Variants in EFCAB8 observed in about 807,000 individuals in gnomAD.
EFCAB8 encodes EF-hand calcium binding domain 8.
In EFCAB8, 100 loss-of-function variants were observed where a neutral mutation model predicts 116.3. The ratio of observed to expected loss-of-function variants is 0.86; its 90% confidence interval spans 0.73 to 1.02. EFCAB8 has a LOEUF of 1.02. Ranked by LOEUF, EFCAB8 falls within the 50% of genes least tolerant of loss-of-function variation. The pLI is 0.00. For synonymous variants in EFCAB8, 558 were observed against 567.9 expected, an observed-to-expected ratio of 0.98 and a Z score of 0.25; for missense variants, 1,320 against 1,416.9, an observed-to-expected ratio of 0.93 and a Z score of 1.10.
chr20:32,952,468 G>A (rs1303898240), intron 23 of EFCAB8, among the ~76,000 whole-genome samples: 3 of 152,174 alleles, frequency 2.0e-5, no homozygotes, highest in African/African-American at 7.2e-5. Context: ...TTTGCATGGA[G>A]ATAGCCACTT....
Position 32,959,842 on chromosome 20 carries a change from C to T in EFCAB8, c.3154C>T (p.Leu1052Phe), listed in dbSNP as rs1271843197. The change falls in exon 25 of 27, where the codon CTC (leucine) becomes TTC (phenylalanine). Residue 1052 changes from leucine (L) to phenylalanine (F), a missense_variant. Transcript: ENST00000400522. ...GCGAGAGCAGGCGGCGCTGATGGCT[C>T]TCCTGCATGGGAAGGCAGATAAGGA... Reference protein sequence around the residue: ...QRREQAALMALLHGKADKEAD... With the variant: ...QRREQAALMAFLHGKADKEAD... 1 of 1,547,574 alleles carries T rather than the reference C, an allele frequency of 6.5e-7. No homozygotes were observed. The highest frequency in any genetic ancestry group is 8.7e-7 in the Non-Finnish European group (1 of 1,144,520).
intron 3 of EFCAB8, among the ~76,000 whole-genome samples, chr20:32,874,102 G>A (rs1984826919): frequency 6.6e-6 from 1 of 150,850 alleles, no homozygotes; most frequent in African/African-American, 2.5e-5. Flanking sequence ...TGTATTTTCT[G>A]TGAAGATGCG....
At chr20:32,867,498 GTCTC>G (rs1984483988) in intron 2 of EFCAB8, 80 bp from the exon 3 acceptor site, 4 of 1,418,248 alleles carry the variant, frequency 2.8e-6, no homozygotes, top group Non-Finnish European at 3.8e-6. Context: ...TTCTCAAAGA[GTCTC>G]TCTTTAAATC....
chr20:32,939,199 CTTTCCTCTCTCT>C (rs1247652788), intron 22 of EFCAB8, among the ~76,000 whole-genome samples: 4 of 63,540 alleles, frequency 6.3e-5, no homozygotes, highest in East Asian at 7.6e-4. Context: ...TTCTTTCTTT[CTTTCCTCTCTCT>C]CTCTCTCTCT....
chr20:32,910,815 G>A (rs932093790), intron 15 of EFCAB8, among the ~76,000 whole-genome samples: 1 of 134,196 alleles, frequency 7.5e-6, no homozygotes, highest in Non-Finnish European at 1.5e-5. Context: ...TTGGCTCACT[G>A]CAGTCTCTGC....
Position 32,888,155 on chromosome 20 carries a change from C to T in EFCAB8, c.568-1146C>T, listed in dbSNP as rs138123952. Among the ~76,000 whole-genome samples, 1,091 of 152,106 alleles carry T rather than the reference C, an allele frequency of 7.2e-3. 16 individuals carry two copies. Among genetic ancestry groups the T allele is most frequent in the African/African-American group, 0.025 (1,026 of 41,474 alleles). On this transcript the variant is annotated intron_variant, in intron 6 of 26. Transcript: ENST00000400522. The stretch of plus-strand genomic sequence containing the variant: ...CACGGCTCACTGCAGCCTCAACCTC[C>T]TGGGGTCAAGGGATCTTTCCACCTC...
intron 5 of EFCAB8, among the ~76,000 whole-genome samples, chr20:32,884,677 G>A (rs1985518683): frequency 6.6e-6 from 1 of 152,210 alleles, no homozygotes; most frequent in Non-Finnish European, 1.5e-5. Flanking sequence ...CTAGGTTCTA[G>A]TTCCAGCCCT....
chr20:32,907,234 A>C (rs529541359), intron 13 of EFCAB8: 23 of 530,444 alleles, frequency 4.3e-5, no homozygotes, highest in African/African-American at 4.1e-4. Context: ...CCCTTTTCTG[A>C]GCCTCAGTCC....
rs1687304798 is a variant in EFCAB8 at position 32,948,562 on chromosome 20, AAGAAAGAAAG to A, written c.2959+4760_2959+4769del. On this transcript the variant is annotated intron_variant, in intron 23 of 26. Coordinates refer to ENST00000400522, the MANE Select transcript of EFCAB8 (RefSeq NM_001143967.2). ...AAAGAAAGAAAGAAAGAAAGAAAGAAAGAAAGAAAGAAAGAAAGAAAAGAAAGGAAAAGAA... is the reference window on the plus strand; with the variant it reads ...AAAGAAAGAAAGAAAGAAAGAAAGAAAAAGAAAGAAAAGAAAGGAAAAGAA... Among the ~76,000 whole-genome samples the A allele has an allele frequency of 2.0e-5, 3 of 150,548 alleles. No individual in the cohort carries two copies. In the South Asian group the frequency reaches 6.3e-4, roughly 32 times the overall value.
At chr20:32,928,429 C>T (rs1308507807) in intron 20 of EFCAB8, among the ~76,000 whole-genome samples, 1 of 151,822 alleles carries the variant, frequency 6.6e-6, no homozygotes, top group Admixed American at 6.6e-5. Flanking sequence ...TAGAGACGGG[C>T]TTTCACCATG....
chr20:32,875,995 A>T lies in EFCAB8; in HGVS notation c.278A>T (p.Lys93Met). 1 of 1,552,224 alleles carries T rather than the reference A, an allele frequency of 6.4e-7. No homozygotes were observed. Among genetic ancestry groups the T allele is most frequent in the South Asian group, 1.2e-5 (1 of 84,056 alleles). The change falls in exon 4 of 27, where the codon AAG becomes ATG. Residue 93 changes from lysine (K) to methionine (M), a missense_variant. Transcript: ENST00000400522. ...AGCAGTGTGTCGGACGAGATGCTAA[A>T]GGAGCTGTTTTTGAAGGTGGACTCG... is the stretch of plus-strand genomic sequence containing the variant. ...VLSSVSDEML[K>M]ELFLKVDSDC... is the part of the protein sequence containing the mutation.
rs1378666516 is a variant in EFCAB8, at chr20:32,943,771, G to A, written c.2926G>A (p.Val976Ile). The A allele has an allele frequency of 9.6e-6, 4 of 416,764 alleles. No homozygotes were observed. Among genetic ancestry groups the A allele is most frequent in the Non-Finnish European group, 1.8e-5 (4 of 226,408 alleles). 25.8% of individuals were successfully genotyped at this position (416,764 alleles called of 1,614,324 possible). A position where few individuals can be genotyped will look rare whatever the true frequency, so the allele number is the denominator to read the frequency against. Residue 976 changes from valine to isoleucine, a missense_variant, in exon 23 of 27, where the codon GTC (valine) becomes ATC (isoleucine). By Grantham distance (29) the Val-to-Ile change is conservative. Coordinates refer to ENST00000400522, the MANE Select transcript of EFCAB8 (RefSeq NM_001143967.2). ...TATCAGCGCTGGCCAGGACCGGGAC[G>A]TCAAGGCTTGGAAACTCTCCGGTGA... ...LVISAGQDRDVKAWKLSGDAI... is the reference protein window; with the variant it reads ...LVISAGQDRDIKAWKLSGDAI...
At chr20:32,939,203 C>CTTTCTTTCTTTCCTCT (rs1555869214) in intron 22 of EFCAB8, among the ~76,000 whole-genome samples, 2 of 51,048 alleles carry the variant, frequency 3.9e-5, no homozygotes, top group Non-Finnish European at 7.6e-5. Context: ...TTCTTTCTTT[C>CTTTCTTTCTTTCCTCT]CTCTCTCTCT....
chr20:32,879,079 C>T (rs950118991), intron 5 of EFCAB8, among the ~76,000 whole-genome samples: 2 of 152,166 alleles, frequency 1.3e-5, no homozygotes, highest in African/African-American at 4.8e-5. Context: ...TAGAAAGTGG[C>T]GGGCTGCTGT....
intron 10 of EFCAB8, among the ~76,000 whole-genome samples, chr20:32,897,862 G>T (rs1379687671): frequency 6.6e-6 from 1 of 152,182 alleles, no homozygotes; most frequent in Non-Finnish European, 1.5e-5. Context: ...AAGCACCAAA[G>T]AAATATTTGA....
chr20:32,862,894 A>G (rs1984186899), intron 1 of EFCAB8, among the ~76,000 whole-genome samples: 1 of 152,146 alleles, frequency 6.6e-6, no homozygotes, highest in South Asian at 2.1e-4. Context: ...TGGCCTCCCA[A>G]AGTGCTGGGA....
At chr20:32,916,341 T>G (rs1003613158) in intron 17 of EFCAB8, among the ~76,000 whole-genome samples, 3 of 152,166 alleles carry the variant, frequency 2.0e-5, no homozygotes, top group Non-Finnish European at 2.9e-5. Context: ...CACTGCAGCC[T>G]TGAACTCCTG....
In EFCAB8 at chr20:32,878,782, T is replaced by G. The variant is rs1047794042; in HGVS notation, c.406T>G (p.Tyr136Asp). Residue 136 changes from tyrosine to aspartate, a missense_variant, in exon 5 of 27, where the codon TAC becomes GAC. Coordinates refer to ENST00000400522, the MANE Select transcript of EFCAB8 (RefSeq NM_001143967.2). ...AAAGAGCCAGTACCGCCTGCACTTCTACCTTCCCATGACGGTCGTCCCCCT... is the reference window on the plus strand; with the variant it reads ...AAAGAGCCAGTACCGCCTGCACTTCGACCTTCCCATGACGGTCGTCCCCCT... ...MRKSQYRLHF[Y>D]LPMTVVPLNH... 24 of 1,552,092 alleles carry G rather than the reference T, an allele frequency of 1.5e-5. No individual in the cohort carries two copies. Among genetic ancestry groups the G allele is most frequent in the Middle Eastern group, 3.3e-4 (2 of 6,020 alleles).
At chr20:32,931,992 G>C (rs988132540) in intron 22 of EFCAB8, among the ~76,000 whole-genome samples, 1 of 152,200 alleles carries the variant, frequency 6.6e-6, no homozygotes, top group Non-Finnish European at 1.5e-5. Context: ...GGAGAGGCTG[G>C]AAGGAATCAT....
Sources: gnomAD v4.1 joint callset for allele counts (sites outside exome capture counted in the v4.1 genomes callset) on GRCh38, gnomAD v4.1.1 for gene constraint, MANE v1.5 for transcripts, NCBI Gene and HGNC (gene_info 2026-07-23, HGNC 2026-07-21) for gene names.